Variants in ERBB4 observed in about 807,000 individuals in gnomAD.
ERBB4 encodes the protein erb-b2 receptor tyrosine kinase 4, also known as receptor tyrosine-protein kinase erbB-4.
Under a neutral mutation model 158.0 loss-of-function variants are expected in ERBB4, and 42 were observed. The observed-to-expected ratio is 0.27, with a 90% CI of 0.21 to 0.34. The LOEUF is 0.34. Ranked by LOEUF, ERBB4 falls within the 10% of genes least tolerant of loss-of-function variation. The pLI is 1.00. For missense variants in ERBB4, 1,333 were observed against 1,624.1 expected (o/e 0.82, Z 3.08); for synonymous variants, 583 against 558.7 (o/e 1.04, Z -0.61).
intron 1 of ERBB4, among the ~76,000 whole-genome samples, chr2:212,191,795 T>C (rs1201450083): frequency 6.9e-6 from 1 of 144,530 alleles, no homozygotes. Flanking sequence ...ATATGTTCTA[T>C]ATGTTATATA....
At chr2:211,641,750 G>C (rs978170575) in intron 16 of ERBB4, among the ~76,000 whole-genome samples, 3 of 152,026 alleles carry the variant, frequency 2.0e-5, no homozygotes, top group African/African-American at 7.2e-5. Context: ...TGTCATCTCT[G>C]TGACTGACCT....
chr2:211,531,620 C>T (rs2066501376), intron 20 of ERBB4, among the ~76,000 whole-genome samples: 1 of 152,074 alleles, frequency 6.6e-6, no homozygotes, highest in South Asian at 2.1e-4. Context: ...TATCATCTCA[C>T]CCCAGTTAAA....
intron 2 of ERBB4, among the ~76,000 whole-genome samples, chr2:212,064,020 T>C (rs780129566): frequency 1.3e-5 from 2 of 152,096 alleles, no homozygotes; most frequent in Non-Finnish European, 2.9e-5. Context: ...AATAGAGATA[T>C]GTATAAGACA....
At chr2:212,032,120 A>G (rs952363618) in intron 2 of ERBB4, among the ~76,000 whole-genome samples, 4 of 152,128 alleles carry the variant, frequency 2.6e-5, no homozygotes, top group Non-Finnish European at 5.9e-5. Flanking sequence ...CAAACATGCC[A>G]TTTCATATGC....
chr2:211,855,106 G>A (rs2077822597), intron 3 of ERBB4, among the ~76,000 whole-genome samples: 1 of 151,998 alleles, frequency 6.6e-6, no homozygotes, highest in South Asian at 2.1e-4. Flanking sequence ...TAATTATGTT[G>A]GGAAGCTTTT....
chr2:212,155,149 T>C lies in ERBB4; in HGVS notation c.83-30246A>G, dbSNP rs530795383. 2.6e-5 allele frequency among the ~76,000 whole-genome samples: 4 copies of C among 152,320 alleles called. No individual in the cohort carries two copies. In the South Asian group the frequency reaches 6.2e-4, roughly 24 times the overall value. On this transcript the variant is annotated intron_variant, in intron 1 of 27. Coordinates refer to ENST00000342788, the MANE Select transcript of ERBB4 (RefSeq NM_005235.3). ...CGCTTTAGTGATATTTTGTCAAATG[T>C]TTTATTTAAAGCTTGTCTTAAGAAA... is the stretch of plus-strand genomic sequence containing the variant.
At chr2:211,913,404 C>A (rs961709720) in intron 3 of ERBB4, among the ~76,000 whole-genome samples, 8 of 151,992 alleles carry the variant, frequency 5.3e-5, no homozygotes, top group African/African-American at 1.7e-4. Flanking sequence ...AGTTCGAGAT[C>A]AGCCTGGCCA....
At chr2:211,909,363 A>G (rs2125051014) in intron 3 of ERBB4, among the ~76,000 whole-genome samples, 1 of 151,806 alleles carries the variant, frequency 6.6e-6, no homozygotes, top group East Asian at 2.0e-4. Context: ...TACCTGGGGT[A>G]AGTTCTAAGA....
At chr2:212,484,498 CTTAAT>C (rs1689875040) in intron 1 of ERBB4, among the ~76,000 whole-genome samples, 1 of 152,204 alleles carries the variant, frequency 6.6e-6, no homozygotes, top group Non-Finnish European at 1.5e-5. Context: ...TTGTTGCTAT[CTTAAT>C]TTTTCAAATC....
chr2:211,609,574 G>T (rs907940015), intron 19 of ERBB4, among the ~76,000 whole-genome samples: 1 of 152,108 alleles, frequency 6.6e-6, no homozygotes. Context: ...ACAGGATCTT[G>T]CTCTGTCACC....
intron 19 of ERBB4, among the ~76,000 whole-genome samples, chr2:211,568,332 G>A (rs570643024): frequency 3.3e-5 from 5 of 152,102 alleles, no homozygotes; most frequent in Non-Finnish European, 7.4e-5. Flanking sequence ...AAGCATGTAT[G>A]TCAAGTCTCT....
In ERBB4 at chr2:211,689,709, AT is replaced by A. The variant is rs1304158060; in HGVS notation, c.1490-10526del. Among the ~76,000 whole-genome samples the A allele has an allele frequency of 7.2e-5, 11 of 152,202 alleles. No homozygotes were observed. The East Asian group carries it at 2.1e-3, about 29-fold the overall frequency. Reference sequence around the variant, plus strand: ...TTATGAATATTAAGTTACAATACTCATTTTATAACCATTTAGACATTTAAAG... The same window carrying A: ...TTATGAATATTAAGTTACAATACTCATTTATAACCATTTAGACATTTAAAG... On this transcript the variant is annotated intron_variant, in intron 12 of 27. Coordinates refer to ENST00000342788, the MANE Select transcript of ERBB4 (RefSeq NM_005235.3).
chr2:211,772,596 C>T (rs1245685701), intron 4 of ERBB4, among the ~76,000 whole-genome samples: 1 of 151,304 alleles, frequency 6.6e-6, no homozygotes, highest in Non-Finnish European at 1.5e-5. Flanking sequence ...GGGCCTCTCT[C>T]TCTCCAAATA....
chr2:212,369,782 T>C (rs1566925), intron 1 of ERBB4, among the ~76,000 whole-genome samples: 58,068 of 151,762 alleles, frequency 0.38, 12,138 homozygotes, highest in African/African-American at 0.57. Context: ...AGCCTGGAAA[T>C]TGTGGGCTCA....
At chr2:211,419,334 G>A (rs1442783195) in intron 25 of ERBB4, among the ~76,000 whole-genome samples, 1 of 151,992 alleles carries the variant, frequency 6.6e-6, no homozygotes, top group African/African-American at 2.4e-5. Context: ...GTGTTGAATA[G>A]TAAACACCAG....
chr2:212,116,038 T>C (rs1382357573), intron 2 of ERBB4, among the ~76,000 whole-genome samples: 1 of 152,102 alleles, frequency 6.6e-6, no homozygotes, highest in Non-Finnish European at 1.5e-5. Context: ...TTTATTGTTA[T>C]TTATTATTAT....
At chr2:212,368,400 A>G (rs2089966501) in intron 1 of ERBB4, among the ~76,000 whole-genome samples, 1 of 152,128 alleles carries the variant, frequency 6.6e-6, no homozygotes, top group Non-Finnish European at 1.5e-5. Flanking sequence ...CCTAAGAATG[A>G]CACAGTGGAC....
At position 211,559,602 on chromosome 2, in the gene ERBB4, C is replaced by G. The variant is rs562772536; in HGVS notation, c.2487+2301G>C. ...TATTCTCATAGCTGAAGACTTCTCC[C>G]TCAGGACTCAGTGTCTTCTCTTAAG... On this transcript the variant is annotated intron_variant, in intron 20 of 27. Coordinates refer to ENST00000342788, the MANE Select transcript of ERBB4 (RefSeq NM_005235.3). Among the ~76,000 whole-genome samples, 7 of 152,292 alleles carry G rather than the reference C, an allele frequency of 4.6e-5. No individual in the cohort carries two copies. The East Asian group carries it at 1.4e-3, about 29-fold the overall frequency.
intron 19 of ERBB4, among the ~76,000 whole-genome samples, chr2:211,577,681 C>T (rs745857783): frequency 6.6e-6 from 1 of 152,104 alleles, no homozygotes; most frequent in Non-Finnish European, 1.5e-5. Flanking sequence ...AAATATAATT[C>T]ATCACATAAA....
Sources: gnomAD v4.1 joint callset for allele counts (sites outside exome capture counted in the v4.1 genomes callset) on GRCh38, gnomAD v4.1.1 for gene constraint, MANE v1.5 for transcripts, NCBI Gene and HGNC (gene_info 2026-07-23, HGNC 2026-07-21) for gene names.